The following PLEKHA5 variants were observed in gnomAD, a reference collection of about 807,000 sequenced individuals.
PLEKHA5 encodes the protein pleckstrin homology domain containing A5, also known as pleckstrin homology domain-containing family A member 5.
Under a neutral mutation model 181.9 loss-of-function variants are expected in PLEKHA5, and 55 were observed. The ratio of observed to expected loss-of-function variants is 0.30; its 90% CI spans 0.24 to 0.38. The LOEUF (loss-of-function observed/expected upper bound fraction) is 0.38, where lower values mean the gene tolerates loss of function less well. PLEKHA5 is among the 10% of genes least tolerant of loss of function. The probability of loss-of-function intolerance (pLI) is 1.00; values close to 1 mark genes in which losing one functional copy is unlikely to be tolerated. For synonymous variants in PLEKHA5, 535 were observed against 529.4 expected (o/e 1.01, Z -0.15); for missense variants, 1,432 against 1,549.5 (o/e 0.92, Z 1.27).
intron 21 of PLEKHA5, among the ~76,000 whole-genome samples, chr12:19,336,942 A>T (rs1034502680): frequency 2.0e-5 from 3 of 150,484 alleles, no homozygotes; most frequent in Admixed American, 6.6e-5. Context: ...GAGATGTTGA[A>T]TTATATGGAT....
chr12:19,374,322 C>CA (rs1397445760), intron 31 of PLEKHA5, among the ~76,000 whole-genome samples: 1 of 151,760 alleles, frequency 6.6e-6, no homozygotes, highest in East Asian at 1.9e-4. Context: ...AAGGGGGTTG[C>CA]CGTTGCCAGC....
At chr12:19,314,986 C>T in intron 16 of PLEKHA5, 92 bp downstream of exon 16, 1 of 701,704 alleles carries the variant, frequency 1.4e-6, no homozygotes, top group East Asian at 2.7e-5. Context: ...CTCATGACAT[C>T]AGTGTTTTTC....
chr12:19,276,855 C>T (rs2074678349), intron 11 of PLEKHA5, among the ~76,000 whole-genome samples: 1 of 152,176 alleles, frequency 6.6e-6, no homozygotes, highest in South Asian at 2.1e-4. Flanking sequence ...TATTTCAAAA[C>T]ATGTTGTTCA....
chr12:19,153,674 C>G (rs770677207), intron 3 of PLEKHA5: 3 of 152,112 alleles, frequency 2.0e-5, no homozygotes, highest in Non-Finnish European at 4.4e-5. Flanking sequence ...TGAGTTTTGA[C>G]AAATGTAAAT....
chr12:19,285,240 T>C (rs1045251545), intron 12 of PLEKHA5, among the ~76,000 whole-genome samples: 6 of 152,246 alleles, frequency 3.9e-5, no homozygotes, highest in Non-Finnish European at 8.8e-5. Flanking sequence ...TCTGATCTAA[T>C]ACAACTTAAT....
chr12:19,133,033 G>A (rs1223829524), intron 3 of PLEKHA5, among the ~76,000 whole-genome samples: 6 of 150,936 alleles, frequency 4.0e-5, no homozygotes, highest in South Asian at 2.1e-4. Context: ...AAACAATGAC[G>A]GTCAGGGAGT....
chr12:19,193,884 C>T (rs2051902363), intron 3 of PLEKHA5, among the ~76,000 whole-genome samples: 1 of 152,124 alleles, frequency 6.6e-6, no homozygotes, highest in Admixed American at 6.6e-5. Flanking sequence ...TGGGAGCAGG[C>T]ATGTCACAGA....
At chr12:19,232,056 A>G (rs2060710147) in intron 3 of PLEKHA5, among the ~76,000 whole-genome samples, 1 of 152,146 alleles carries the variant, frequency 6.6e-6, no homozygotes, top group African/African-American at 2.4e-5. Flanking sequence ...AAATAGGATT[A>G]GTTTTATTGC....
chr12:19,324,563 G>A (rs1436414026), intron 20 of PLEKHA5, among the ~76,000 whole-genome samples: 2 of 152,112 alleles, frequency 1.3e-5, no homozygotes, highest in African/African-American at 4.8e-5. Context: ...GATCTACATG[G>A]ATTTCTGTAA....
intron 3 of PLEKHA5, among the ~76,000 whole-genome samples, chr12:19,159,989 A>G (rs2042599116): frequency 6.6e-6 from 1 of 151,980 alleles, no homozygotes. Flanking sequence ...AATTAAGATG[A>G]TCTTGTGGTA....
At chr12:19,238,799 CAAAAAA>C (rs3056444) in intron 3 of PLEKHA5, among the ~76,000 whole-genome samples, 7 of 85,494 alleles carry the variant, frequency 8.2e-5, no homozygotes, top group East Asian at 3.2e-4. Flanking sequence ...TAAATCTGGC[CAAAAAA>C]AAAAAAAAAA....
At chr12:19,201,326 A>G (rs1370201682) in intron 3 of PLEKHA5, 1 of 152,128 alleles carries the variant, frequency 6.6e-6, no homozygotes, top group Non-Finnish European at 1.5e-5. Context: ...CTATAATCAA[A>G]GACGATCAGT....
intron 3 of PLEKHA5, among the ~76,000 whole-genome samples, chr12:19,141,457 G>A (rs2037262737): frequency 6.6e-6 from 1 of 152,120 alleles, no homozygotes; most frequent in Non-Finnish European, 1.5e-5. Flanking sequence ...GTTCATCATT[G>A]GAAGTCAAGA....
chr12:19,256,160 T>C (rs2066826471), intron 5 of PLEKHA5, among the ~76,000 whole-genome samples: 2 of 152,098 alleles, frequency 1.3e-5, no homozygotes, highest in Admixed American at 1.3e-4. Flanking sequence ...CTCTTAAATA[T>C]ATGAAAAAAG....
intron 15 of PLEKHA5, among the ~76,000 whole-genome samples, chr12:19,307,770 A>G (rs1040588772): frequency 6.6e-6 from 1 of 152,112 alleles, no homozygotes; most frequent in South Asian, 2.1e-4. Flanking sequence ...CAAAAGAAAC[A>G]TTCAAAAACA....
intron 21 of PLEKHA5, among the ~76,000 whole-genome samples, chr12:19,337,957 G>A (rs963612309): frequency 2.0e-5 from 3 of 151,534 alleles, no homozygotes; most frequent in Admixed American, 2.0e-4. Flanking sequence ...CTTGAACCCG[G>A]GAGGTGGAGG....
At chr12:19,159,817 C>T (rs77344887) in intron 3 of PLEKHA5, among the ~76,000 whole-genome samples, 9,829 of 152,010 alleles carry the variant, frequency 0.065, 366 homozygotes, top group South Asian at 0.12. Flanking sequence ...ATTTGAAGCC[C>T]GTAGAGACAG....
rs144922673 is a variant in PLEKHA5 at position 19,223,675 on chromosome 12, A to G, written c.228-30265A>G. ...AAAAATGGTCATTTAAACTGTTCCT[A>G]TAAGAATAGAGTCCCTCTCTGTTCT... On this transcript the variant is annotated intron_variant, in intron 3 of 31. Coordinates refer to ENST00000429027, the MANE Select transcript of PLEKHA5 (RefSeq NM_001256470.2). Among the ~76,000 whole-genome samples, 1,480 of 152,302 alleles carry G rather than the reference A, an allele frequency of 9.7e-3. 30 individuals are homozygous for G. Among genetic ancestry groups the G allele is most frequent in the African/African-American group, 0.034 (1,395 of 41,560 alleles).
At chr12:19,158,381 AG>A (rs2042255696) in intron 3 of PLEKHA5, among the ~76,000 whole-genome samples, 1 of 152,190 alleles carries the variant, frequency 6.6e-6, no homozygotes, top group Admixed American at 6.5e-5. Context: ...TTATAAACTT[AG>A]ATTTAAACTT....
Sources: gnomAD v4.1 joint callset for allele counts (sites outside exome capture counted in the v4.1 genomes callset) on GRCh38, gnomAD v4.1.1 for gene constraint, MANE v1.5 for transcripts, NCBI Gene and HGNC (gene_info 2026-07-23, HGNC 2026-07-21) for gene names.